Variants in GABRB1 observed in about 807,000 individuals in gnomAD.
The protein encoded by GABRB1 is gamma-aminobutyric acid type A receptor subunit beta1.
GABRB1 carries 17 observed loss-of-function variants against 51.6 expected under a neutral mutation model. The observed-to-expected ratio is 0.33, with a 90% CI of 0.23 to 0.49. The LOEUF (loss-of-function observed/expected upper bound fraction) is 0.49. Ranked by LOEUF, GABRB1 falls within the 20% of genes least tolerant of loss-of-function variation. The pLI is 0.99. For synonymous variants in GABRB1, 247 were observed against 218.9 expected (o/e 1.13, Z -1.14); for missense variants, 410 against 600.6 (o/e 0.68, Z 3.32).
intron 3 of GABRB1, among the ~76,000 whole-genome samples, chr4:47,133,118 G>T (rs1387719354): frequency 6.6e-6 from 1 of 152,118 alleles, no homozygotes; most frequent in African/African-American, 2.4e-5. Flanking sequence ...TCTTGCAAAA[G>T]AAAGTAACCT....
At chr4:47,047,598 A>G (rs1183575082) in intron 3 of GABRB1, among the ~76,000 whole-genome samples, 1 of 152,138 alleles carries the variant, frequency 6.6e-6, no homozygotes, top group Admixed American at 6.5e-5. Context: ...AACATAGAAA[A>G]GTTTCAGAGA....
intron 3 of GABRB1, among the ~76,000 whole-genome samples, chr4:47,112,655 T>C (rs1715273117): frequency 6.6e-6 from 1 of 152,202 alleles, no homozygotes; most frequent in African/African-American, 2.4e-5. Flanking sequence ...TTCTGAGTTA[T>C]GTACCCAATA....
chr4:47,047,008 G>A (rs570162213), intron 3 of GABRB1, among the ~76,000 whole-genome samples: 62 of 152,076 alleles, frequency 4.1e-4, no homozygotes, highest in Non-Finnish European at 8.1e-4. Flanking sequence ...AGGGTGGCAG[G>A]AGGGAGAGGA....
intron 4 of GABRB1, among the ~76,000 whole-genome samples, chr4:47,241,639 C>G (rs1721525625): frequency 6.6e-6 from 1 of 152,166 alleles, no homozygotes; most frequent in South Asian, 2.1e-4. Context: ...TAACCATCCC[C>G]ATAGGGAAAG....
At chr4:47,270,771 CA>C (rs5858060) in intron 4 of GABRB1, among the ~76,000 whole-genome samples, 134,762 of 152,158 alleles carry the variant, frequency 0.89, 59,932 homozygotes, top group East Asian at 0.98. Context: ...AGCACTAACC[CA>C]ACTTCACCTT....
chr4:47,053,724 A>G (rs938803220), intron 3 of GABRB1, among the ~76,000 whole-genome samples: 1 of 152,186 alleles, frequency 6.6e-6, no homozygotes, highest in Non-Finnish European at 1.5e-5. Context: ...CTAGAGAGTG[A>G]CCGAGCTGAG....
At chr4:47,125,626 G>A (rs1357351624) in intron 3 of GABRB1, among the ~76,000 whole-genome samples, 1 of 122,724 alleles carries the variant, frequency 8.1e-6, no homozygotes, top group Non-Finnish European at 1.6e-5. Flanking sequence ...CGGGATCTCG[G>A]CTCACTGCAA....
At chr4:47,231,815 C>T (rs1721154303) in intron 4 of GABRB1, among the ~76,000 whole-genome samples, 1 of 152,160 alleles carries the variant, frequency 6.6e-6, no homozygotes, top group East Asian at 1.9e-4. Context: ...ATTACAATTA[C>T]TTAAAATATT....
At chr4:47,103,892 CA>C (rs1219456033) in intron 3 of GABRB1, among the ~76,000 whole-genome samples, 4 of 151,732 alleles carry the variant, frequency 2.6e-5, no homozygotes, top group Non-Finnish European at 4.4e-5. Flanking sequence ...CATTTTCTAA[CA>C]CTTGATATCA....
chr4:47,424,968 A>G (rs1471148417), intron 8 of GABRB1, among the ~76,000 whole-genome samples: 1 of 152,214 alleles, frequency 6.6e-6, no homozygotes, highest in African/African-American at 2.4e-5. Context: ...CATTAATCAT[A>G]TCTGTCAATT....
chr4:47,370,889 C>T (rs1270313891), intron 5 of GABRB1, among the ~76,000 whole-genome samples: 1 of 151,936 alleles, frequency 6.6e-6, no homozygotes, highest in Non-Finnish European at 1.5e-5. Context: ...CCAATTGCCA[C>T]TCTGTGTGAA....
intron 3 of GABRB1, among the ~76,000 whole-genome samples, chr4:47,113,925 T>C (rs1397705984): frequency 1.3e-5 from 2 of 152,224 alleles, no homozygotes; most frequent in East Asian, 3.9e-4. Flanking sequence ...CCACCTATAG[T>C]TGAGTAGGAT....
At chr4:47,381,086 C>G (rs1468132403) in intron 5 of GABRB1, among the ~76,000 whole-genome samples, 1 of 152,136 alleles carries the variant, frequency 6.6e-6, no homozygotes, top group African/African-American at 2.4e-5. Flanking sequence ...GAAATGTGCC[C>G]TAGTCCTTGT....
intron 4 of GABRB1, among the ~76,000 whole-genome samples, chr4:47,209,915 T>C (rs1242457935): frequency 6.6e-6 from 1 of 152,162 alleles, no homozygotes; most frequent in Non-Finnish European, 1.5e-5. Context: ...GTTGTGCCCC[T>C]TCCCTCCTGG....
chr4:47,328,607 A>G (rs372333171), intron 5 of GABRB1, among the ~76,000 whole-genome samples: 1 of 152,186 alleles, frequency 6.6e-6, no homozygotes, highest in Non-Finnish European at 1.5e-5. Context: ...ATGAGTTCAT[A>G]TCCTTTGTAG....
At chr4:47,167,228 T>C (rs542865283) in intron 4 of GABRB1, among the ~76,000 whole-genome samples, 1 of 152,248 alleles carries the variant, frequency 6.6e-6, no homozygotes, top group East Asian at 1.9e-4. Context: ...ATTATCACTA[T>C]TAATGACCAG....
At chr4:47,066,496 C>T (rs2109537339) in intron 3 of GABRB1, among the ~76,000 whole-genome samples, 1 of 152,290 alleles carries the variant, frequency 6.6e-6, no homozygotes, top group South Asian at 2.1e-4. Context: ...AACCCTACTG[C>T]TTCTTTATCA....
chr4:47,416,948 A>C (rs1728942116), intron 8 of GABRB1, among the ~76,000 whole-genome samples: 1 of 152,186 alleles, frequency 6.6e-6, no homozygotes, highest in Non-Finnish European at 1.5e-5. Context: ...TGCTCATAAA[A>C]ATTTTTTAAA....
At chr4:47,334,252 A>T (rs1382728115) in intron 5 of GABRB1, among the ~76,000 whole-genome samples, 1 of 152,150 alleles carries the variant, frequency 6.6e-6, no homozygotes, top group Non-Finnish European at 1.5e-5. Context: ...TAAATAAATA[A>T]TAATTTTAAG....
Sources: allele counts gnomAD v4.1 joint callset (sites outside exome capture counted in the v4.1 genomes callset), GRCh38; gene constraint gnomAD v4.1.1; transcripts MANE v1.5; gene names NCBI Gene and HGNC (gene_info 2026-07-23, HGNC 2026-07-21).